The following GABRG3 variants were observed in gnomAD, a reference collection of about 807,000 sequenced individuals.
GABRG3 encodes gamma-aminobutyric acid receptor subunit gamma-3.
GABRG3 carries 25 observed loss-of-function variants against 48.8 expected under a neutral mutation model. That is an observed-to-expected ratio of 0.51 (90% confidence interval 0.37 to 0.72). The LOEUF (loss-of-function observed/expected upper bound fraction) is 0.72, where lower values mean the gene tolerates loss of function less well. Ranked by LOEUF, GABRG3 falls within the 30% of genes least tolerant of loss-of-function variation. GABRG3 has a pLI of 0.00. For missense variants in GABRG3, 394 were observed against 577.9 expected (o/e 0.68, Z 3.26); for synonymous variants, 227 against 217.6 (o/e 1.04, Z -0.38).
At chr15:27,155,565 T>C (rs1297479421) in intron 3 of GABRG3, among the ~76,000 whole-genome samples, 1 of 152,240 alleles carries the variant, frequency 6.6e-6, no homozygotes, top group Non-Finnish European at 1.5e-5. Context: ...TTTGGCGTTC[T>C]GCAACAGCAC....
intron 4 of GABRG3, 53 bp from the exon 5 acceptor site, chr15:27,328,753 G>A (rs915505603): frequency 3.9e-6 from 6 of 1,526,898 alleles, no homozygotes; most frequent in East Asian, 2.3e-5. Flanking sequence ...AACGGCCGCC[G>A]GCCTTGCCCT....
chr15:27,273,353 T>G (rs1891149863), intron 3 of GABRG3, among the ~76,000 whole-genome samples: 1 of 152,216 alleles, frequency 6.6e-6, no homozygotes. Context: ...TTTTTATTAT[T>G]TCATGTAATG....
At position 26,975,528 on chromosome 15, in the gene GABRG3, TG is replaced by T. The variant is rs1894925692; in HGVS notation, c.54-1472del. On this transcript the variant is annotated intron_variant, in intron 1 of 9. Transcript: ENST00000615808. The surrounding 1 kb of genome is among the most constrained non-coding windows in gnomAD (Gnocchi z 4.6). ...CATGTTCATACAGGTGTAGACTATC[TG>T]GCCAACACTCTAGTCTACGTTATGG... 6.6e-6 allele frequency among the ~76,000 whole-genome samples: 1 copy of T among 152,202 alleles called. No homozygotes were observed. The highest frequency in any genetic ancestry group is 1.5e-5 in the Non-Finnish European group (1 of 68,038).
chr15:27,400,718 G>T (rs1887451275), intron 5 of GABRG3, among the ~76,000 whole-genome samples: 1 of 152,202 alleles, frequency 6.6e-6, no homozygotes, highest in Non-Finnish European at 1.5e-5. Flanking sequence ...CCTAGCTCCA[G>T]ATGAGCTTAT....
intron 3 of GABRG3, among the ~76,000 whole-genome samples, chr15:27,077,903 A>G (rs1336708082): frequency 6.6e-6 from 1 of 152,204 alleles, no homozygotes; most frequent in African/African-American, 2.4e-5. Context: ...AGCAAATATC[A>G]GGGGAGCTAT....
rs1449440794 is a variant in GABRG3, at chr15:27,319,833, A to G, written c.271-6976A>G. On this transcript the variant is annotated intron_variant, in intron 3 of 9. Transcript: ENST00000615808. The surrounding 1 kb of genome is among the most constrained non-coding windows in gnomAD (Gnocchi z 4.4). ...TCTGTAGGCTCTGGGTAGCCATGAT[A>G]CATTTTTTTAATAGCAGCATATATG... 6.6e-6 allele frequency among the ~76,000 whole-genome samples: 1 copy of G among 152,212 alleles called. No homozygotes were observed. Among genetic ancestry groups the G allele is most frequent in the African/African-American group, 2.4e-5 (1 of 41,448 alleles).
chr15:27,530,052 C>T (rs1018488048), intron 9 of GABRG3, among the ~76,000 whole-genome samples: 22 of 152,122 alleles, frequency 1.4e-4, no homozygotes, highest in Non-Finnish European at 2.5e-4. Context: ...GAAGTCTGTC[C>T]TCCGGTCTGC....
intron 3 of GABRG3, among the ~76,000 whole-genome samples, chr15:27,069,389 A>G (rs1896790076): frequency 6.6e-6 from 1 of 152,178 alleles, no homozygotes; most frequent in South Asian, 2.1e-4. Flanking sequence ...TCCTGTCTCA[A>G]TTGCTGTGGG....
chr15:27,011,025 T>C (rs1201952097), intron 2 of GABRG3, among the ~76,000 whole-genome samples: 1 of 152,080 alleles, frequency 6.6e-6, no homozygotes, highest in Non-Finnish European at 1.5e-5. Context: ...TCTTGTATTT[T>C]TAGTAGAGTC....
chr15:27,309,998 T>C (rs575681202), intron 3 of GABRG3, among the ~76,000 whole-genome samples: 2 of 152,226 alleles, frequency 1.3e-5, no homozygotes, highest in South Asian at 2.1e-4. Context: ...TAATGAACTT[T>C]TAATATATGT....
rs576542886 is a variant in GABRG3, at chr15:27,242,645, A to G, written c.271-84164A>G. On this transcript the variant is annotated intron_variant, in intron 3 of 9. Coordinates refer to ENST00000615808, the MANE Select transcript of GABRG3 (RefSeq NM_033223.5). ...CAAACCCATGCTCAATTTACGTTCT[A>G]TTCAGTTGAAACTGAGAGTAGGTAT... Among the ~76,000 whole-genome samples, 97 of 152,348 alleles carry G rather than the reference A, an allele frequency of 6.4e-4. 2 individuals are homozygous for G. The South Asian group carries it at 0.019, about 30-fold the overall frequency.
intron 2 of GABRG3, among the ~76,000 whole-genome samples, chr15:27,005,653 G>C (rs1047716717): frequency 9.9e-5 from 15 of 152,108 alleles, no homozygotes; most frequent in Non-Finnish European, 2.2e-4. Context: ...GGCTTGCTCT[G>C]TCTCAAGGTG....
intron 3 of GABRG3, among the ~76,000 whole-genome samples, chr15:27,278,143 C>T (rs149275837): frequency 2.7e-3 from 415 of 152,120 alleles, no homozygotes; most frequent in African/African-American, 9.4e-3. Flanking sequence ...CCTCCCCATC[C>T]CGGGTTCAAA....
chr15:27,160,616 G>A (rs1355126129), intron 3 of GABRG3, among the ~76,000 whole-genome samples: 1 of 150,112 alleles, frequency 6.7e-6, no homozygotes, highest in African/African-American at 2.4e-5. Flanking sequence ...TACTTAGGAT[G>A]TTTCTTTTTT....
rs1346824678 is a variant in GABRG3, at chr15:27,536,093, T to A, written c.*3212T>A. On this transcript the variant is annotated 3_prime_UTR_variant, in exon 10 of 10. Transcript: ENST00000615808. ...GAGATGACAGTTCTGTATTTTGACA[T>A]GGAATCCAAATTTCTGACCACTGTG... 1 of 152,244 alleles carries A rather than the reference T, an allele frequency of 6.6e-6. No individual in the cohort carries two copies. Among genetic ancestry groups the A allele is most frequent in the Non-Finnish European group, 1.5e-5 (1 of 68,050 alleles). The allele number at this position is 152,244 out of a possible 1,614,324, so 9.4% of individuals were successfully genotyped here.
chr15:27,444,144 C>T (rs1422681083), intron 5 of GABRG3, among the ~76,000 whole-genome samples: 1 of 152,088 alleles, frequency 6.6e-6, no homozygotes, highest in Non-Finnish European at 1.5e-5. Context: ...TCATGTTAAC[C>T]TTCTGAGTGA....
chr15:27,505,742 C>T (rs760142533), intron 6 of GABRG3, among the ~76,000 whole-genome samples: 1 of 152,004 alleles, frequency 6.6e-6, no homozygotes, highest in Non-Finnish European at 1.5e-5. Flanking sequence ...CAGAAAATAC[C>T]TGTGTCTGGT....
rs185597327 is a variant in GABRG3 at position 27,309,956 on chromosome 15, C to T, written c.271-16853C>T. Among the ~76,000 whole-genome samples, 18 of 152,180 alleles carry T rather than the reference C, an allele frequency of 1.2e-4. No individual in the cohort carries two copies. In the East Asian group the frequency reaches 3.3e-3, roughly 28 times the overall value. On this transcript the variant is annotated intron_variant, in intron 3 of 9. Coordinates refer to ENST00000615808, the MANE Select transcript of GABRG3 (RefSeq NM_033223.5). ...ATGGATGGATAAACAAACGGTGACACATCTGAACAGTGGCATAATATTTAT... is the reference window on the plus strand; with the variant it reads ...ATGGATGGATAAACAAACGGTGACATATCTGAACAGTGGCATAATATTTAT...
intron 3 of GABRG3, among the ~76,000 whole-genome samples, chr15:27,035,823 TG>T (rs1461700498): frequency 1.3e-5 from 2 of 151,922 alleles, no homozygotes; most frequent in African/African-American, 4.8e-5. Flanking sequence ...AGAATGGCGG[TG>T]GGGGCTGGAA....
Sources: allele counts gnomAD v4.1 joint callset (sites outside exome capture counted in the v4.1 genomes callset), GRCh38; gene constraint gnomAD v4.1.1; non-coding constraint Gnocchi (gnomAD v3.1); transcripts MANE v1.5; gene names NCBI Gene and HGNC (gene_info 2026-07-23, HGNC 2026-07-21).